FES: variants seen among roughly 807,000 people sequenced by gnomAD.
The protein encoded by FES is FES proto-oncogene, tyrosine kinase.
Under a neutral mutation model 109.6 loss-of-function variants are expected in FES, and 83 were observed. The observed-to-expected ratio is 0.76, with a 90% CI of 0.63 to 0.91. The LOEUF (loss-of-function observed/expected upper bound fraction) is 0.91, where lower values mean the gene tolerates loss of function less well. FES is among the 40% of genes least tolerant of loss of function. The pLI is 0.00. For synonymous variants in FES, 458 were observed against 442.1 expected (o/e 1.04, Z -0.45); for missense variants, 943 against 1,070.9 (o/e 0.88, Z 1.67).
chr15:90,890,669 G>A, intron 10 of FES, 185 bp downstream of exon 10: 1 of 645,426 alleles, frequency 1.5e-6, no homozygotes. Context: ...GCCCCAGTGT[G>A]CTAAAGGGAC....
Position 90,889,974 on chromosome 15 carries a change from C to T in FES, c.1049+12C>T, listed in dbSNP as rs1555431197. ...CACCCCCGGGAGCGGTGAGTGGGCCCCTGCCTGCAGCAGCCTCCTGGGCCT... is the reference window on the plus strand; with the variant it reads ...CACCCCCGGGAGCGGTGAGTGGGCCTCTGCCTGCAGCAGCCTCCTGGGCCT... On this transcript the variant is annotated intron_variant, in intron 8 of 18. Coordinates refer to ENST00000328850, the MANE Select transcript of FES (RefSeq NM_002005.4). This position sits in a 1 kb window ranked among gnomAD's most constrained non-coding sequence, Gnocchi z 6.1. 1.2e-6 allele frequency: 2 copies of T among 1,612,562 alleles called. No homozygotes were observed. Among genetic ancestry groups the T allele is most frequent in the East Asian group, 2.2e-5 (1 of 44,854 alleles).
chr15:90,894,038 C>T lies in FES; in HGVS notation c.2306C>T (p.Thr769Ile), dbSNP rs1156825224. ...SPYPNLSNQQ[T>I]REFVEKGGRL... Reference sequence around the variant, plus strand: ...TATCCCAACCTCAGCAATCAGCAGACACGGGAGTTTGTGGAGAAGGGTAAG... The same window carrying T: ...TATCCCAACCTCAGCAATCAGCAGATACGGGAGTTTGTGGAGAAGGGTAAG... Residue 769 changes from threonine (T) to isoleucine (I), a missense_variant, in exon 18 of 19, where the codon ACA (threonine) becomes ATA (isoleucine). Thr to Ile is a moderately conservative substitution (Grantham distance 89). Coordinates refer to ENST00000328850, the MANE Select transcript of FES (RefSeq NM_002005.4). 2 of 1,613,718 alleles carry T rather than the reference C, an allele frequency of 1.2e-6. No homozygotes were observed. Among genetic ancestry groups the T allele is most frequent in the Admixed American group, 1.7e-5 (1 of 60,006 alleles).
Position 90,889,199 on chromosome 15 carries a change from C to T in FES, c.669-107C>T. ...GTGGCATGGCTAGCTCGAAGTGAGGCAGGGGTCAACCCCAGCCCTGACTCC... is the reference window on the plus strand; with the variant it reads ...GTGGCATGGCTAGCTCGAAGTGAGGTAGGGGTCAACCCCAGCCCTGACTCC... On this transcript the variant is annotated intron_variant, in intron 5 of 18. Transcript: ENST00000328850. The surrounding 1 kb of genome is among the most constrained non-coding windows in gnomAD (Gnocchi z 6.1). 3 of 1,461,162 alleles carry T rather than the reference C, an allele frequency of 2.1e-6. No homozygotes were observed. The highest frequency in any genetic ancestry group is 2.8e-6 in the Non-Finnish European group (3 of 1,083,950). The allele number at this position is 1,461,162 out of a possible 1,614,324, so 90.5% of individuals were successfully genotyped here.
At position 90,891,168 on chromosome 15, in the gene FES, C is replaced by A; in HGVS notation, c.1507C>A (p.His503Asn). ...LSVLWDGLPR[H>N]FIIQSLDNLY... ...GGTGCTGTGGGATGGTCTGCCCCGG[C>A]ACTTCATCATCCAGTCCTTGGATGT... The change falls in exon 11 of 19, where the codon CAC becomes AAC. Residue 503 changes from histidine to asparagine, a missense_variant. Transcript: ENST00000328850. The A allele has an allele frequency of 6.4e-7, 1 of 1,561,564 alleles. No homozygotes were observed. Among genetic ancestry groups the A allele is most frequent in the Non-Finnish European group, 8.7e-7 (1 of 1,153,006 alleles).
At chr15:90,886,861 C>T (rs2032684016) in intron 3 of FES, 100 bp from the exon 4 acceptor site, 11 of 1,079,206 alleles carry the variant, frequency 1.0e-5, no homozygotes, top group Middle Eastern at 4.1e-4. Flanking sequence ...TCCAGGTGCT[C>T]CTTGCCTGAC....
chr15:90,890,696 T>C (rs1185164072), intron 10 of FES, among the ~76,000 whole-genome samples: 1 of 139,988 alleles, frequency 7.1e-6, no homozygotes, highest in Non-Finnish European at 1.5e-5. Context: ...CCTCGACTAT[T>C]CCATGGCTCT....
chr15:90,892,917 G>A, intron 14 of FES, 92 bp downstream of exon 14: 1 of 1,424,642 alleles, frequency 7.0e-7, no homozygotes, highest in East Asian at 2.3e-5. Context: ...CCGTGGTGGT[G>A]TTTAGTCCTC....
At chr15:90,891,482 TC>T (rs2033207846) in intron 11 of FES, 71 bp from the exon 12 acceptor site, 2 of 1,603,958 alleles carry the variant, frequency 1.2e-6, no homozygotes. Flanking sequence ...CCTGCTGCTC[TC>T]CCTTTCCCCC....
Position 90,890,428 on chromosome 15 carries a change from C to G in FES, c.1264C>G (p.Pro422Ala), listed in dbSNP as rs1443345664. 1.9e-6 allele frequency: 3 copies of G among 1,613,122 alleles called. No homozygotes were observed. In the African/African-American group the frequency reaches 4.0e-5, roughly 22 times the overall value. Reference sequence around the variant, plus strand: ...GCAGGAGCGAGAGGGGGGAAGGACACCCACGCTGGAGATCCTTAAGAGCCA... The same window carrying G: ...GCAGGAGCGAGAGGGGGGAAGGACAGCCACGCTGGAGATCCTTAAGAGCCA... ...SEQEREGGRT[P>A]TLEILKSHIS... The change falls in exon 10 of 19, where the codon CCC (proline) becomes GCC (alanine). Residue 422 changes from proline to alanine, a missense_variant. Pro to Ala is a conservative substitution (Grantham distance 27, BLOSUM62 -1). Transcript: ENST00000328850.
At chr15:90,893,447 A>G in intron 16 of FES, 33 bp downstream of exon 16, 1 of 1,518,350 alleles carries the variant, frequency 6.6e-7, no homozygotes, top group East Asian at 2.3e-5. Context: ...CCCTGCCAAC[A>G]CCCCCGACCA....
intron 5 of FES, among the ~76,000 whole-genome samples, chr15:90,888,460 A>G (rs2032872706): frequency 6.6e-6 from 1 of 152,238 alleles, no homozygotes; most frequent in Admixed American, 6.5e-5. Context: ...AATAGACTTC[A>G]GGGAGCAAGG....
At chr15:90,887,665 T>C (rs1465386261) in intron 5 of FES, among the ~76,000 whole-genome samples, 3 of 152,096 alleles carry the variant, frequency 2.0e-5, no homozygotes, top group African/African-American at 7.2e-5. Flanking sequence ...TCTTTCGTGT[T>C]AGTGGAGTGA....
chr15:90,885,343 A>C, intron 2 of FES, 69 bp from the exon 3 acceptor site: 1 of 1,596,366 alleles, frequency 6.3e-7, no homozygotes, highest in Non-Finnish European at 8.5e-7. Context: ...CAGTGGCTGG[A>C]GATCTGGCAG....
In FES at chr15:90,890,285, T is replaced by A; in HGVS notation, c.1236+7T>A. On this transcript the variant is annotated splice_region_variant and intron_variant, in intron 9 of 18. Transcript: ENST00000328850. ...CCACTCCACGTCGTCCTCGGTGAGC[T>A]GCCCCATCCGCGGCCGCTGCCCGCC... 1.3e-6 allele frequency: 2 copies of A among 1,588,570 alleles called. No individual in the cohort carries two copies. The highest frequency in any genetic ancestry group is 1.7e-6 in the Non-Finnish European group (2 of 1,169,648).
rs1257516988 is a variant in FES, at chr15:90,885,713, C to T, written c.387+128C>T. 32 of 1,430,254 alleles carry T rather than the reference C, an allele frequency of 2.2e-5. No individual in the cohort carries two copies. The Admixed American group carries it at 8.4e-4, about 38-fold the overall frequency. The allele number at this position is 1,430,254 out of a possible 1,614,324, so 88.6% of individuals were successfully genotyped here. A position where few individuals can be genotyped will look rare whatever the true frequency, so the allele number is the denominator to read the frequency against. On this transcript the variant is annotated intron_variant, in intron 3 of 18. Transcript: ENST00000328850. ...TCCCTGACCGCAGGCCTGGCTTGCT[C>T]TAACCTTGATGCAGCTTCCTCTCTT...
rs1274281634 is a variant in FES at position 90,889,443 on chromosome 15, G to A, written c.806G>A (p.Gly269Glu). Residue 269 changes from glycine (G) to glutamate (E), a missense_variant and splice_region_variant, in exon 6 of 19, where the codon GGG (glycine) becomes GAG (glutamate). Physicochemically the swap from Gly to Glu is moderately conservative, Grantham distance 98. Coordinates refer to ENST00000328850, the MANE Select transcript of FES (RefSeq NM_002005.4). This position sits in a 1 kb window ranked among gnomAD's most constrained non-coding sequence, Gnocchi z 6.1. ...TACCAAGGCTTCCTGCGACAGTATG[G>A]GTAAGCCCCGTCCTTGCTCCTGCTG... ...AEYQGFLRQY[G>E]SAPDVPPCVT... 1.2e-6 allele frequency: 2 copies of A among 1,614,010 alleles called. No homozygotes were observed. Among genetic ancestry groups the A allele is most frequent in the South Asian group, 2.2e-5 (2 of 91,080 alleles).
intron 14 of FES, 107 bp downstream of exon 14, chr15:90,892,932 C>G (rs985468189): frequency 2.9e-6 from 4 of 1,358,076 alleles, no homozygotes; most frequent in Non-Finnish European, 4.1e-6. Context: ...GTCCTCGAGG[C>G]CCCCCATTGC....
rs530190445 is a variant in FES, at chr15:90,890,018, C to T, written c.1049+56C>T. 4.3e-5 allele frequency: 69 copies of T among 1,593,076 alleles called. No homozygotes were observed. In the African/African-American group the frequency reaches 8.4e-4, roughly 19 times the overall value. On this transcript the variant is annotated intron_variant, in intron 8 of 18. Transcript: ENST00000328850. ...TGGGCCTCCCTCCCTCCTACCTACC[C>T]TAACTGCTGCTGGCTACCCGCCGCA...
chr15:90,893,453 G>C (rs968096106), intron 16 of FES, 39 bp downstream of exon 16: 2 of 1,517,550 alleles, frequency 1.3e-6, no homozygotes, highest in African/African-American at 2.8e-5. Flanking sequence ...CAACACCCCC[G>C]ACCAGAGTCA....
Sources: allele counts gnomAD v4.1 joint callset (sites outside exome capture counted in the v4.1 genomes callset), GRCh38; gene constraint gnomAD v4.1.1; non-coding constraint Gnocchi (gnomAD v3.1); transcripts MANE v1.5; gene names NCBI Gene and HGNC (gene_info 2026-07-23, HGNC 2026-07-21).